CCSER2: variants seen among roughly 807,000 people sequenced by gnomAD.
CCSER2 encodes the protein serine-rich coiled-coil domain-containing protein 2.
CCSER2 carries 46 observed loss-of-function variants against 92.3 expected under a neutral mutation model. The observed-to-expected ratio is 0.50, with a 90% CI of 0.39 to 0.64. CCSER2 has a LOEUF of 0.64. CCSER2 is among the 30% of genes least tolerant of loss of function. The pLI, the probability that CCSER2 is intolerant of heterozygous loss-of-function variation, is 0.00. For synonymous variants in CCSER2, 433 were observed against 431.4 expected (o/e 1.00, Z -0.04); for missense variants, 1,244 against 1,238.9 (o/e 1.00, Z -0.06).
intron 3 of CCSER2, among the ~76,000 whole-genome samples, chr10:84,416,031 G>A (rs909399130): frequency 3.4e-4 from 51 of 152,220 alleles, no homozygotes; most frequent in Admixed American, 6.5e-4. Context: ...GTGTGCCCAA[G>A]CTGCTGCTCT....
chr10:84,434,735 A>G (rs1380041945), intron 5 of CCSER2, among the ~76,000 whole-genome samples: 1 of 152,128 alleles, frequency 6.6e-6, no homozygotes, highest in Non-Finnish European at 1.5e-5. Context: ...TTTAACATAT[A>G]TTACCTCATT....
chr10:84,427,681 C>T (rs1029876046), intron 5 of CCSER2, among the ~76,000 whole-genome samples: 2 of 152,106 alleles, frequency 1.3e-5, no homozygotes, highest in Non-Finnish European at 2.9e-5. Context: ...TTTACCTGGC[C>T]TAATCTTCCT....
chr10:84,419,938 A>G (rs1843057331), intron 4 of CCSER2, among the ~76,000 whole-genome samples: 2 of 152,248 alleles, frequency 1.3e-5, no homozygotes, highest in African/African-American at 4.8e-5. Context: ...GAGGAAAAAC[A>G]TAAACCATTG....
chr10:84,478,414 G>C (rs994230714), intron 9 of CCSER2, among the ~76,000 whole-genome samples: 1 of 152,134 alleles, frequency 6.6e-6, no homozygotes, highest in African/African-American at 2.4e-5. Context: ...TGACTCTTTT[G>C]CCTTATATTT....
chr10:84,458,543 C>T (rs753385405), intron 6 of CCSER2, among the ~76,000 whole-genome samples: 17 of 152,010 alleles, frequency 1.1e-4, no homozygotes, highest in African/African-American at 3.1e-4. Context: ...TTAGAAGCAG[C>T]GTTTCTATTT....
chr10:84,465,644 G>GA (rs1187622343), intron 7 of CCSER2, among the ~76,000 whole-genome samples: 1 of 151,620 alleles, frequency 6.6e-6, no homozygotes, highest in Non-Finnish European at 1.5e-5. Context: ...ATGTTTTAAA[G>GA]AAAAAAAATT....
chr10:84,349,508 AC>A (rs1345660767), intron 1 of CCSER2, among the ~76,000 whole-genome samples: 1 of 150,892 alleles, frequency 6.6e-6, no homozygotes, highest in East Asian at 2.0e-4. Flanking sequence ...TCCCCCGCCC[AC>A]CCCCGTCTAC....
intron 1 of CCSER2, among the ~76,000 whole-genome samples, chr10:84,368,966 C>T: frequency 6.6e-6 from 1 of 152,066 alleles, no homozygotes. Context: ...TGAATTACTT[C>T]AGAATAATGG....
chr10:84,393,824 G>A (rs1841667751), intron 3 of CCSER2: 2 of 152,230 alleles, frequency 1.3e-5, no homozygotes, highest in African/African-American at 4.8e-5. Context: ...ATAGCAAGCT[G>A]CAAGTAACTA....
chr10:84,422,518 A>G (rs1843200567), intron 4 of CCSER2, among the ~76,000 whole-genome samples: 1 of 152,164 alleles, frequency 6.6e-6, no homozygotes, highest in African/African-American at 2.4e-5. Context: ...CATGCTAAAG[A>G]CTTCCTTCAG....
intron 4 of CCSER2, among the ~76,000 whole-genome samples, chr10:84,422,640 T>G (rs957416589): frequency 6.6e-6 from 1 of 152,224 alleles, no homozygotes; most frequent in Non-Finnish European, 1.5e-5. Context: ...CTGGGATACC[T>G]TGAAGTTCAC....
At chr10:84,342,063 T>TC (rs1428029510) in intron 1 of CCSER2, among the ~76,000 whole-genome samples, 8 of 151,090 alleles carry the variant, frequency 5.3e-5, no homozygotes, top group Non-Finnish European at 7.4e-5. Context: ...TCAGTCCCCT[T>TC]CCCCCCCCTG....
chr10:84,460,239 G>A (rs891582555), intron 6 of CCSER2, among the ~76,000 whole-genome samples: 14 of 146,652 alleles, frequency 9.5e-5, no homozygotes, highest in African/African-American at 3.0e-4. Context: ...ATGGGCATGC[G>A]CCACCATGCC....
chr10:84,352,028 C>T (rs1360697623), intron 1 of CCSER2, among the ~76,000 whole-genome samples: 2 of 152,078 alleles, frequency 1.3e-5, no homozygotes, highest in Admixed American at 6.6e-5. Context: ...AGGCTGGCCG[C>T]GGTGGCTCAC....
intron 3 of CCSER2, among the ~76,000 whole-genome samples, chr10:84,398,970 C>A (rs1388311392): frequency 1.3e-5 from 2 of 152,198 alleles, no homozygotes; most frequent in African/African-American, 4.8e-5. Flanking sequence ...CTTACCACAT[C>A]TGGCCATTTG....
At chr10:84,486,023 TGAGAATGATGGTTTCCA>T (rs1466416648) in intron 9 of CCSER2, among the ~76,000 whole-genome samples, 1 of 152,208 alleles carries the variant, frequency 6.6e-6, no homozygotes, top group African/African-American at 2.4e-5. Flanking sequence ...GATAGTTTGC[TGAGAATGATGGTTTCCA>T]GCTTCATCCA....
intron 3 of CCSER2, among the ~76,000 whole-genome samples, chr10:84,413,075 T>C (rs1842731967): frequency 6.6e-6 from 1 of 151,946 alleles, no homozygotes; most frequent in African/African-American, 2.4e-5. Flanking sequence ...ATTTTATTAA[T>C]TTTTTCAAAA....
chr10:84,507,898 C>A (rs542760796), intron 9 of CCSER2, among the ~76,000 whole-genome samples: 1 of 152,160 alleles, frequency 6.6e-6, no homozygotes, highest in Non-Finnish European at 1.5e-5. Context: ...TGAAAGTTAT[C>A]CTGGGTAGGC....
At chr10:84,457,324 TATATA>T (rs1845759616) in intron 6 of CCSER2, among the ~76,000 whole-genome samples, 1 of 70,322 alleles carries the variant, frequency 1.4e-5, no homozygotes, top group East Asian at 4.9e-4. Flanking sequence ...TAATATATTA[TATATA>T]ATATATTATA....
Sources: allele counts gnomAD v4.1 joint callset (sites outside exome capture counted in the v4.1 genomes callset), GRCh38; gene constraint gnomAD v4.1.1; transcripts MANE v1.5; gene names NCBI Gene and HGNC (gene_info 2026-07-23, HGNC 2026-07-21).